The following ZNF112 variants were observed in gnomAD, a reference collection of about 807,000 sequenced individuals.
ZNF112 encodes zinc finger protein 112, also known as zinc finger protein 112 (Y14).
ZNF112 carries 37 observed loss-of-function variants against 77.7 expected under a neutral mutation model. The observed-to-expected ratio is 0.48, with a 90% CI of 0.37 to 0.63. The LOEUF is 0.63. ZNF112 is among the 20% of genes least tolerant of loss of function. The pLI is 0.00. For synonymous variants in ZNF112, 333 were observed against 363.6 expected (o/e 0.92, Z 0.96); for missense variants, 950 against 1,077.4 (o/e 0.88, Z 1.66).
chr19:44,347,743 G>A (rs1047603598), intron 1 of ZNF112, among the ~76,000 whole-genome samples: 1 of 151,878 alleles, frequency 6.6e-6, no homozygotes, highest in African/African-American at 2.4e-5. Flanking sequence ...AGCCAAGAAA[G>A]TTATAATTTT....
chr19:44,352,090 T>A (rs1308990358), intron 1 of ZNF112, among the ~76,000 whole-genome samples: 1 of 151,504 alleles, frequency 6.6e-6, no homozygotes, highest in African/African-American at 2.4e-5. Flanking sequence ...TGGGGAAGAG[T>A]TTGACTACAA....
At chr19:44,343,177 A>G (rs1970522625) in intron 1 of ZNF112, 4 of 1,528,176 alleles carry the variant, frequency 2.6e-6, no homozygotes, top group Non-Finnish European at 3.6e-6. Flanking sequence ...CCCTTGGCAA[A>G]GAAGGGGGAA....
chr19:44,328,174 A>C lies in ZNF112; in HGVS notation c.1983T>G (p.Cys661Trp), dbSNP rs1568656953. Residue 661 changes from cysteine (C) to tryptophan (W), a missense_variant, in exon 4 of 4, where the codon TGT becomes TGG. Cys to Trp is a radical substitution (Grantham distance 215). This residue lies in a region of ZNF112 where 373 missense variants were observed against 482.8 expected (regional missense o/e 0.77). Coordinates refer to ENST00000354340, the MANE Select transcript of ZNF112 (RefSeq NM_013380.4). ...TACTGAAGCCTTTACCACATTCTTC[A>C]CATTTATAGGGTTTTTCTCCTGTGT... ...RVHTGEKPYK[C>W]EECGKGFSKA... The C allele has an allele frequency of 1.9e-6, 3 of 1,613,840 alleles. No homozygotes were observed. The highest frequency in any genetic ancestry group is 2.5e-6 in the Non-Finnish European group (3 of 1,179,948).
chr19:44,328,873 A>T lies in ZNF112; in HGVS notation c.1284T>A (p.His428Gln), dbSNP rs1205781212. Reference sequence around the variant, plus strand: ...ATGAATTCTCTTCCATATGAACCCTATGCTGAATGTCAAGATTTGAACTAC... The same window carrying T: ...ATGAATTCTCTTCCATATGAACCCTTTGCTGAATGTCAAGATTTGAACTAC... ...FICSSNLDIQ[H>Q]RVHMEENSYN... The change falls in exon 4 of 4, where the codon CAT becomes CAA. Residue 428 changes from histidine to glutamine, a missense_variant. His to Gln is a conservative substitution (Grantham distance 24). This residue lies in a region of ZNF112 where 560 missense variants were observed against 557.3 expected (regional missense o/e 1.00). Transcript: ENST00000354340. 5 of 1,614,036 alleles carry T rather than the reference A, an allele frequency of 3.1e-6. No homozygotes were observed. The highest frequency in any genetic ancestry group is 4.2e-6 in the Non-Finnish European group (5 of 1,179,954).
chr19:44,355,067 C>CA (rs921832202), intron 1 of ZNF112, among the ~76,000 whole-genome samples: 40 of 143,752 alleles, frequency 2.8e-4, no homozygotes, highest in Admixed American at 4.1e-4. Context: ...AATACTGAAA[C>CA]AAAAAAAAAA....
At chr19:44,337,426 T>TTTATATATATA (rs1970402049) in intron 2 of ZNF112, among the ~76,000 whole-genome samples, 1 of 95,962 alleles carries the variant, frequency 1.0e-5, no homozygotes, top group African/African-American at 4.2e-5. Context: ...TAATATATAT[T>TTTATATATATA]ATATATATAT....
At chr19:44,355,462 G>C (rs989835493) in intron 1 of ZNF112, among the ~76,000 whole-genome samples, 3 of 151,878 alleles carry the variant, frequency 2.0e-5, no homozygotes, top group Non-Finnish European at 4.4e-5. Flanking sequence ...AAAATTCAAA[G>C]CTTATTAACC....
intron 1 of ZNF112, among the ~76,000 whole-genome samples, chr19:44,364,922 C>T (rs955201976): frequency 6.6e-6 from 1 of 152,112 alleles, no homozygotes; most frequent in African/African-American, 2.4e-5. Flanking sequence ...GGATATTCAT[C>T]TGTAGTTTTC....
chr19:44,363,136 AT>A (rs34770333), intron 1 of ZNF112, among the ~76,000 whole-genome samples: 28,085 of 148,516 alleles, frequency 0.19, 3,421 homozygotes, highest in African/African-American at 0.36. Flanking sequence ...CACATGGCTA[AT>A]TTTTTTTTTT....
intron 1 of ZNF112, among the ~76,000 whole-genome samples, chr19:44,362,011 T>C (rs1265864971): frequency 2.0e-5 from 3 of 152,122 alleles, no homozygotes; most frequent in Admixed American, 2.0e-4. Flanking sequence ...ATATATGGCA[T>C]AGAACTTTTT....
chr19:44,347,670 GTTTCC>G (rs1303032354), intron 1 of ZNF112, among the ~76,000 whole-genome samples: 2 of 150,238 alleles, frequency 1.3e-5, no homozygotes, highest in Non-Finnish European at 3.0e-5. Context: ...CCAACAAATA[GTTTCC>G]TTTATCTCCC....
chr19:44,351,769 T>A (rs970274912), intron 1 of ZNF112, among the ~76,000 whole-genome samples: 2 of 151,798 alleles, frequency 1.3e-5, no homozygotes, highest in Non-Finnish European at 2.9e-5. Flanking sequence ...TTAGTAAAAA[T>A]TAAACTCCTG....
At chr19:44,330,840 A>G (rs1247273073) in intron 3 of ZNF112, among the ~76,000 whole-genome samples, 7 of 152,364 alleles carry the variant, frequency 4.6e-5, no homozygotes, top group African/African-American at 1.7e-4. Context: ...CTGGAAAAAT[A>G]TAGTTGCAAA....
At chr19:44,353,348 T>C (rs1490474775) in intron 1 of ZNF112, among the ~76,000 whole-genome samples, 1 of 152,102 alleles carries the variant, frequency 6.6e-6, no homozygotes, top group African/African-American at 2.4e-5. Flanking sequence ...ACTTCTTAGA[T>C]ATGACATCAA....
chr19:44,344,956 C>T (rs940262985), intron 1 of ZNF112, among the ~76,000 whole-genome samples: 3 of 152,164 alleles, frequency 2.0e-5, no homozygotes, highest in Non-Finnish European at 1.5e-5. Flanking sequence ...ACTCTTTTTA[C>T]AGTTGAGAAT....
At position 44,328,005 on chromosome 19, in the gene ZNF112, C is replaced by T; in HGVS notation, c.2152G>A (p.Glu718Lys). The T allele has an allele frequency of 6.2e-7, 1 of 1,613,948 alleles. No homozygotes were observed. The highest frequency in any genetic ancestry group is 8.5e-7 in the Non-Finnish European group (1 of 1,179,974). ...VHSGERPYIC[E>K]VCGKGFSQRA... Reference sequence around the variant, plus strand: ...TGACTGAAGCCCTTTCCACATACCTCACATATATATGGTCTTTCTCCAGAA... The same window carrying T: ...TGACTGAAGCCCTTTCCACATACCTTACATATATATGGTCTTTCTCCAGAA... Residue 718 changes from glutamate to lysine, a missense_variant, in exon 4 of 4, where the codon GAG (glutamate) becomes AAG (lysine). Glu to Lys is a moderately conservative substitution (Grantham distance 56). Around this residue, in one of 3 missense-constraint regions of ZNF112, gnomAD observed 373 missense variants for 482.8 expected, o/e 0.77. Transcript: ENST00000354340.
chr19:44,358,942 C>T (rs923642962), upstream of ZNF112, among the ~76,000 whole-genome samples: 1 of 152,174 alleles, frequency 6.6e-6, no homozygotes, highest in Non-Finnish European at 1.5e-5. Context: ...GGGAGATATA[C>T]TATATCCTGT....
At chr19:44,353,106 G>C (rs1347531099) in intron 1 of ZNF112, among the ~76,000 whole-genome samples, 1 of 152,072 alleles carries the variant, frequency 6.6e-6, no homozygotes, top group East Asian at 1.9e-4. Context: ...CAGTAAATAT[G>C]ATATCTTGGT....
chr19:44,330,011 G>A (rs1970241092), intron 3 of ZNF112, 75 bp from the exon 4 acceptor site: 13 of 1,165,872 alleles, frequency 1.1e-5, no homozygotes, highest in Non-Finnish European at 1.6e-5. Flanking sequence ...TTACACTTAG[G>A]TCATAACATG....
Sources: allele counts gnomAD v4.1 joint callset (sites outside exome capture counted in the v4.1 genomes callset), GRCh38; gene constraint gnomAD v4.1.1; regional missense constraint gnomAD v4.1.1; transcripts MANE v1.5; gene names NCBI Gene and HGNC (gene_info 2026-07-23, HGNC 2026-07-21).